The following PLOD2 variants were observed in gnomAD, a reference collection of about 807,000 sequenced individuals.
The protein encoded by PLOD2 is procollagen-lysine,2-oxoglutarate 5-dioxygenase 2.
PLOD2 carries 65 observed loss-of-function variants against 101.0 expected under a neutral mutation model. That is an observed-to-expected ratio of 0.64 (90% CI 0.53 to 0.79). The LOEUF (loss-of-function observed/expected upper bound fraction) is 0.79. PLOD2 is among the 30% of genes least tolerant of loss of function. PLOD2 has a pLI of 0.00. For synonymous variants in PLOD2, 314 were observed against 302.9 expected (o/e 1.04, Z -0.38); for missense variants, 909 against 914.6 (o/e 0.99, Z 0.08).
chr3:146,136,430 A>G (rs987999770), intron 1 of PLOD2, among the ~76,000 whole-genome samples: 8 of 152,342 alleles, frequency 5.3e-5, no homozygotes, highest in Admixed American at 2.0e-4. Flanking sequence ...TACTTCTTGC[A>G]TAAAATTATT....
intron 2 of PLOD2, among the ~76,000 whole-genome samples, chr3:146,123,770 G>A (rs995627468): frequency 2.6e-5 from 4 of 151,636 alleles, no homozygotes; most frequent in Admixed American, 1.3e-4. Context: ...CTGTTTTATA[G>A]AGTATATTTA....
In PLOD2 at chr3:146,148,338, G is replaced by GCGCACACA. The variant is rs71633958; in HGVS notation, c.109+12542_109+12543insTGTGTGCG. On this transcript the variant is annotated intron_variant, in intron 1 of 19. Transcript: ENST00000282903. ...TACAGGCAGGCAGGCAGGCAGGCAC[G>GCGCACACA]CACACACACACACACACACACACAC... 3.0e-3 allele frequency among the ~76,000 whole-genome samples: 433 copies of GCGCACACA among 146,544 alleles called. 3 individuals carry two copies. Among genetic ancestry groups the GCGCACACA allele is most frequent in the African/African-American group, 8.9e-3 (352 of 39,334 alleles).
At chr3:146,093,495 CATT>C (rs1156838584) in intron 7 of PLOD2, among the ~76,000 whole-genome samples, 1 of 152,026 alleles carries the variant, frequency 6.6e-6, no homozygotes, top group Non-Finnish European at 1.5e-5. Flanking sequence ...CAAAGGCAAA[CATT>C]AATCATTTGT....
chr3:146,149,102 T>C (rs957950673), intron 1 of PLOD2, among the ~76,000 whole-genome samples: 2 of 152,248 alleles, frequency 1.3e-5, no homozygotes, highest in African/African-American at 4.8e-5. Flanking sequence ...GTTCAGATTT[T>C]TCTGAATTAA....
At position 146,124,130 on chromosome 3, in the gene PLOD2, T is replaced by C; in HGVS notation, c.201+8A>G. On this transcript the variant is annotated splice_region_variant and intron_variant, in intron 2 of 19. Coordinates refer to ENST00000282903, the MANE Select transcript of PLOD2 (RefSeq NM_182943.3). ...TAGGATCTTCATAGGTTAAAGGATA[T>C]ACCATACCTTCACAGTATAATTGAA... 4 of 1,412,890 alleles carry C rather than the reference T, an allele frequency of 2.8e-6. No individual in the cohort carries two copies. The highest frequency in any genetic ancestry group is 4.0e-6 in the Non-Finnish European group (4 of 997,644). 87.5% of individuals were successfully genotyped at this position (1,412,890 alleles called of 1,614,324 possible). A position where few individuals can be genotyped will look rare whatever the true frequency, so the allele number is the denominator to read the frequency against.
intron 1 of PLOD2, among the ~76,000 whole-genome samples, chr3:146,133,507 G>T (rs866423087): frequency 5.3e-5 from 8 of 151,918 alleles, no homozygotes; most frequent in Admixed American, 6.6e-5. Flanking sequence ...CTACTTCTGC[G>T]TCTCAACAAT....
chr3:146,081,792 T>C lies in PLOD2; in HGVS notation c.1304A>G (p.Asp435Gly), dbSNP rs1436248248. Reference protein sequence around the residue: ...WSNFWGALSPDGYYARSEDYV... With the variant: ...WSNFWGALSPGGYYARSEDYV... ...ATCTTCAGATCGTGCATAGTATCCATCAGGACTCAATGCTCCCCAGAAATT... is the reference window on the plus strand; with the variant it reads ...ATCTTCAGATCGTGCATAGTATCCACCAGGACTCAATGCTCCCCAGAAATT... Residue 435 changes from aspartate (D) to glycine (G), a missense_variant, in exon 12 of 20, where the codon GAT becomes GGT. Asp to Gly is a moderately conservative substitution (Grantham distance 94, BLOSUM62 -1). Coordinates refer to ENST00000282903, the MANE Select transcript of PLOD2 (RefSeq NM_182943.3). The C allele has an allele frequency of 6.2e-7, 1 of 1,607,498 alleles. No homozygotes were observed.
intron 10 of PLOD2, 85 bp from the exon 11 acceptor site, chr3:146,085,358 T>C (rs771863771): frequency 1.2e-5 from 9 of 733,168 alleles, no homozygotes; most frequent in Non-Finnish European, 2.2e-5. Context: ...TATTCTTTTA[T>C]GTAAAATATG....
intron 11 of PLOD2, among the ~76,000 whole-genome samples, chr3:146,083,348 C>G (rs1936629568): frequency 6.6e-6 from 1 of 152,128 alleles, no homozygotes; most frequent in South Asian, 2.1e-4. Flanking sequence ...GCCACATGCC[C>G]AAGATGTGTC....
chr3:146,104,429 G>T, intron 5 of PLOD2, 87 bp from the exon 6 acceptor site: 1 of 749,346 alleles, frequency 1.3e-6, no homozygotes, highest in Non-Finnish European at 2.4e-6. Context: ...GTTCTTTGAG[G>T]GAATTTAAAG....
At chr3:146,158,206 A>G (rs532196929) in intron 1 of PLOD2, among the ~76,000 whole-genome samples, 5 of 152,228 alleles carry the variant, frequency 3.3e-5, no homozygotes, top group African/African-American at 1.2e-4. Context: ...CAGGGTATGA[A>G]CCTGATTTAC....
chr3:146,076,312 T>G (rs1290473809), intron 15 of PLOD2: 1 of 153,704 alleles, frequency 6.5e-6, no homozygotes, highest in East Asian at 1.9e-4. Context: ...TTCTATGGTG[T>G]GTATGTAACA....
chr3:146,099,618 G>A (rs1937315736), intron 7 of PLOD2, among the ~76,000 whole-genome samples: 1 of 151,340 alleles, frequency 6.6e-6, no homozygotes, highest in African/African-American at 2.4e-5. Flanking sequence ...GGCCAGTCTC[G>A]AACTCCTGGC....
chr3:146,080,604 T>C (rs1053752059), intron 12 of PLOD2, among the ~76,000 whole-genome samples: 3 of 152,050 alleles, frequency 2.0e-5, no homozygotes, highest in Admixed American at 1.3e-4. Flanking sequence ...GCCATATTTT[T>C]TTCCTTATAC....
chr3:146,088,807 T>C, intron 8 of PLOD2, 96 bp from the exon 9 acceptor site: 2 of 1,030,584 alleles, frequency 1.9e-6, no homozygotes, highest in Non-Finnish European at 3.0e-6. Flanking sequence ...TAAAAAATAC[T>C]AGAATATCAA....
At chr3:146,114,773 A>T (rs369980751) in intron 3 of PLOD2, among the ~76,000 whole-genome samples, 7 of 152,272 alleles carry the variant, frequency 4.6e-5, no homozygotes, top group African/African-American at 1.4e-4. Context: ...AAGACATGAA[A>T]AACAGGGCAC....
intron 7 of PLOD2, among the ~76,000 whole-genome samples, chr3:146,093,331 A>G (rs2108032760): frequency 6.6e-6 from 1 of 152,362 alleles, no homozygotes; most frequent in Non-Finnish European, 1.5e-5. Flanking sequence ...TAAGCCATTC[A>G]CATTTCTTCT....
At chr3:146,131,942 C>A (rs928146356) in intron 1 of PLOD2, among the ~76,000 whole-genome samples, 15 of 150,936 alleles carry the variant, frequency 9.9e-5, no homozygotes, top group Non-Finnish European at 2.1e-4. Flanking sequence ...AAAAAAAAAA[C>A]CTAAAAAGGA....
intron 1 of PLOD2, among the ~76,000 whole-genome samples, chr3:146,158,061 T>C (rs550923170): frequency 1.3e-5 from 2 of 152,342 alleles, no homozygotes; most frequent in South Asian, 2.1e-4. Context: ...GTTTGGATCA[T>C]AGAATAGTAA....
Sources: allele counts gnomAD v4.1 joint callset (sites outside exome capture counted in the v4.1 genomes callset), GRCh38; gene constraint gnomAD v4.1.1; transcripts MANE v1.5; gene names NCBI Gene and HGNC (gene_info 2026-07-23, HGNC 2026-07-21).